PCDH15: variants seen among roughly 807,000 people sequenced by gnomAD.
PCDH15 encodes the protein protocadherin related 15, also known as protocadherin-15.
PCDH15 carries 129 observed loss-of-function variants against 178.5 expected under a neutral mutation model. The ratio of observed to expected loss-of-function variants is 0.72; its 90% CI spans 0.63 to 0.84. PCDH15 has a LOEUF of 0.84. Among genes scored for constraint, PCDH15 ranks in the 40% least tolerant of loss-of-function variants. The probability of loss-of-function intolerance (pLI) is 0.00; values close to 1 mark genes in which losing one functional copy is unlikely to be tolerated. For synonymous variants in PCDH15, 800 were observed against 732.0 expected (o/e 1.09, Z -1.50); for missense variants, 2,230 against 2,099.9 (o/e 1.06, Z -1.21).
intron 29 of PCDH15, among the ~76,000 whole-genome samples, chr10:53,837,963 T>A (rs1409502775): frequency 8.5e-6 from 1 of 118,140 alleles, no homozygotes; most frequent in Non-Finnish European, 1.8e-5. Context: ...ATATTATTTA[T>A]TTATTTATTT....
chr10:54,331,498 T>C (rs1939561021), intron 6 of PCDH15, among the ~76,000 whole-genome samples: 1 of 151,978 alleles, frequency 6.6e-6, no homozygotes, highest in Non-Finnish European at 1.5e-5. Flanking sequence ...TTTTCCCTAA[T>C]TTTTTGCCTA....
At chr10:55,240,939 G>C (rs538523364) in intron 1 of PCDH15, among the ~76,000 whole-genome samples, 1 of 152,126 alleles carries the variant, frequency 6.6e-6, no homozygotes, top group Admixed American at 6.6e-5. Context: ...TTTTAAGACC[G>C]GGCACGGTGG....
intron 21 of PCDH15, among the ~76,000 whole-genome samples, chr10:53,962,618 T>C (rs1388369431): frequency 1.3e-5 from 2 of 152,184 alleles, no homozygotes; most frequent in Admixed American, 6.5e-5. Context: ...GATGTATGTG[T>C]ACTCTGTTAC....
intron 3 of PCDH15, among the ~76,000 whole-genome samples, chr10:54,458,373 A>C (rs1005025783): frequency 3.3e-5 from 5 of 151,932 alleles, no homozygotes; most frequent in Non-Finnish European, 7.3e-5. Flanking sequence ...CATTACAATT[A>C]AATATCTGGC....
intron 3 of PCDH15, among the ~76,000 whole-genome samples, chr10:54,498,836 A>G (rs913444760): frequency 1.3e-5 from 2 of 152,196 alleles, no homozygotes; most frequent in African/African-American, 4.8e-5. Flanking sequence ...ATGGTTCCAC[A>G]GGCTATACAG....
rs748573572 is a variant in PCDH15 at position 53,822,589 on chromosome 10, AGAGTGAAGAATGT to A, written c.4368-2372_4368-2360del. ...ATACAAATAGGTGTCTCTCTCCTAG[AGAGTGAAGAATGT>A]AAAACACAAGGCCTTGAAGGAGAAA... On this transcript the variant is annotated intron_variant, in intron 32 of 37. Transcript: ENST00000644397. The A allele has an allele frequency of 3.7e-6, 6 of 1,613,898 alleles. No individual in the cohort carries two copies. The highest frequency in any genetic ancestry group is 3.4e-6 in the Non-Finnish European group (4 of 1,179,984).
chr10:54,220,369 T>G (rs1255804235), intron 9 of PCDH15, among the ~76,000 whole-genome samples: 1 of 152,216 alleles, frequency 6.6e-6, no homozygotes, highest in East Asian at 1.9e-4. Context: ...TTCTGAACTC[T>G]CACGGCTAGT....
intron 5 of PCDH15, among the ~76,000 whole-genome samples, chr10:54,368,650 T>C (rs911219246): frequency 3.3e-5 from 5 of 152,022 alleles, no homozygotes; most frequent in African/African-American, 1.2e-4. Context: ...AAGAATTCGG[T>C]TGTGATTTGT....
intron 2 of PCDH15, among the ~76,000 whole-genome samples, chr10:55,564,464 G>A (rs1842261210): frequency 1.3e-5 from 2 of 151,470 alleles, no homozygotes; most frequent in African/African-American, 4.8e-5. Context: ...AAAGCTACAA[G>A]GCATCTAGAA....
At chr10:54,071,818 AGT>A (rs2094248517) in intron 17 of PCDH15, among the ~76,000 whole-genome samples, 1 of 152,136 alleles carries the variant, frequency 6.6e-6, no homozygotes, top group Non-Finnish European at 1.5e-5. Flanking sequence ...TAAAAACATG[AGT>A]GTTTAATTTC....
At chr10:54,978,327 A>T (rs1454484) in intron 2 of PCDH15, among the ~76,000 whole-genome samples, 3 of 151,828 alleles carry the variant, frequency 2.0e-5, no homozygotes, top group Non-Finnish European at 4.4e-5. Flanking sequence ...TCAAAACAAT[A>T]TGAGTAGACT....
intron 23 of PCDH15, among the ~76,000 whole-genome samples, chr10:53,955,765 T>A (rs1034726201): frequency 6.6e-6 from 1 of 152,194 alleles, no homozygotes; most frequent in Non-Finnish European, 1.5e-5. Context: ...ACCATCCTAA[T>A]AATCAAAAAT....
chr10:54,816,572 A>G (rs1952953140), intron 3 of PCDH15, among the ~76,000 whole-genome samples: 1 of 152,060 alleles, frequency 6.6e-6, no homozygotes, highest in South Asian at 2.1e-4. Flanking sequence ...GTGTGGGCAG[A>G]AAAGTAAAGG....
intron 13 of PCDH15, among the ~76,000 whole-genome samples, chr10:54,182,839 A>G (rs2048121750): frequency 6.6e-6 from 1 of 152,174 alleles, no homozygotes; most frequent in Non-Finnish European, 1.5e-5. Flanking sequence ...TAAACTGGTC[A>G]AATAGCTATG....
At chr10:54,920,238 A>T (rs1837449114) in intron 2 of PCDH15, among the ~76,000 whole-genome samples, 1 of 152,146 alleles carries the variant, frequency 6.6e-6, no homozygotes. Flanking sequence ...TGGGAGGCCG[A>T]GGCGGGCAGA....
intron 1 of PCDH15, among the ~76,000 whole-genome samples, chr10:54,698,432 T>C (rs1015319902): frequency 6.6e-6 from 1 of 152,124 alleles, no homozygotes; most frequent in African/African-American, 2.4e-5. Context: ...ATAGATTCTG[T>C]GTTTAGAAGG....
intron 3 of PCDH15, among the ~76,000 whole-genome samples, chr10:54,421,889 C>T (rs1168225116): frequency 1.8e-5 from 2 of 108,136 alleles, no homozygotes; most frequent in Non-Finnish European, 3.9e-5. Context: ...TATATACACA[C>T]ACACACTATA....
chr10:55,015,897 T>C (rs1187539539), intron 2 of PCDH15, among the ~76,000 whole-genome samples: 1 of 152,020 alleles, frequency 6.6e-6, no homozygotes, highest in Non-Finnish European at 1.5e-5. Context: ...AGGAGATCTA[T>C]GAGGGTAAAA....
chr10:55,372,229 C>A (rs1004371647), intron 2 of PCDH15, among the ~76,000 whole-genome samples: 5 of 152,186 alleles, frequency 3.3e-5, no homozygotes, highest in South Asian at 2.1e-4. Flanking sequence ...GATTCTCTAG[C>A]TCTTAAATGT....
Sources: gnomAD v4.1 joint callset for allele counts (sites outside exome capture counted in the v4.1 genomes callset) on GRCh38, gnomAD v4.1.1 for gene constraint, MANE v1.5 for transcripts, NCBI Gene and HGNC (gene_info 2026-07-23, HGNC 2026-07-21) for gene names.